The following CRISPLD2 variants were observed in gnomAD, a reference collection of about 807,000 sequenced individuals.
CRISPLD2 encodes the protein cysteine rich secretory protein LCCL domain containing 2.
In CRISPLD2, 47 loss-of-function variants were observed where a neutral mutation model predicts 71.1. That is an observed-to-expected ratio of 0.66 (90% CI 0.52 to 0.84). The LOEUF (loss-of-function observed/expected upper bound fraction) is 0.84, where lower values mean the gene tolerates loss of function less well. Ranked by LOEUF, CRISPLD2 falls within the 40% of genes least tolerant of loss-of-function variation. The pLI is 0.00. For missense variants in CRISPLD2, 830 were observed against 651.1 expected (o/e 1.27, Z -2.99); for synonymous variants, 317 against 250.1 (o/e 1.27, Z -2.52).
At chr16:84,900,018 AG>A (rs2071739431) in intron 14 of CRISPLD2, among the ~76,000 whole-genome samples, 1 of 152,084 alleles carries the variant, frequency 6.6e-6, no homozygotes, top group Admixed American at 6.5e-5. Flanking sequence ...AGGCCTGAGG[AG>A]GGCCCTGGAA....
chr16:84,894,342 T>G (rs2071687574), intron 14 of CRISPLD2, among the ~76,000 whole-genome samples: 1 of 152,180 alleles, frequency 6.6e-6, no homozygotes. Context: ...TTAACACAGA[T>G]TTTGCAAGAG....
chr16:84,895,853 TAC>T (rs1361013227), intron 14 of CRISPLD2, among the ~76,000 whole-genome samples: 1 of 152,120 alleles, frequency 6.6e-6, no homozygotes, highest in Admixed American at 6.5e-5. Context: ...ATGGACTTTT[TAC>T]AGTGTCCCTA....
At chr16:84,896,165 G>A (rs1384697920) in intron 14 of CRISPLD2, among the ~76,000 whole-genome samples, 1 of 151,708 alleles carries the variant, frequency 6.6e-6, no homozygotes, top group Non-Finnish European at 1.5e-5. Context: ...AGCCTCCCAG[G>A]TAGCTGGGAT....
At chr16:84,873,634 T>A (rs1010470048) in intron 10 of CRISPLD2, 1 of 347,402 alleles carries the variant, frequency 2.9e-6, no homozygotes, top group Non-Finnish European at 5.1e-6. Context: ...ATTTCTTTAT[T>A]TTGCAGCTGT....
rs200084653 is a variant in CRISPLD2 at position 84,872,987 on chromosome 16, G to A, written c.982-5G>A. ...GCCTCTGGTCTTCTCTTCCCTTCCC[G>A]CCAGTCGTCTAGCATATGCCGCGCC... is the stretch of plus-strand genomic sequence containing the variant. On this transcript the variant is annotated splice_region_variant and splice_polypyrimidine_tract_variant and intron_variant, in intron 9 of 14. Coordinates refer to ENST00000262424, the MANE Select transcript of CRISPLD2 (RefSeq NM_031476.4). 3.1e-5 allele frequency: 49 copies of A among 1,604,096 alleles called. No homozygotes were observed. Among genetic ancestry groups the A allele is most frequent in the Middle Eastern group, 3.5e-4 (2 of 5,704 alleles).
chr16:84,832,731 G>T (rs1916518720), intron 1 of CRISPLD2, among the ~76,000 whole-genome samples: 1 of 152,226 alleles, frequency 6.6e-6, no homozygotes, highest in Admixed American at 6.5e-5. Flanking sequence ...CACAGGCTGG[G>T]AGCTGACGGC....
intron 1 of CRISPLD2, among the ~76,000 whole-genome samples, chr16:84,821,412 G>C (rs1451868847): frequency 6.6e-6 from 1 of 152,208 alleles, no homozygotes; most frequent in African/African-American, 2.4e-5. Flanking sequence ...TCTGTGCCAC[G>C]CAGTTTACCT....
At chr16:84,890,601 C>A (rs2071653005) in intron 14 of CRISPLD2, among the ~76,000 whole-genome samples, 2 of 151,898 alleles carry the variant, frequency 1.3e-5, no homozygotes, top group South Asian at 4.1e-4. Flanking sequence ...GTGACTGTTT[C>A]CTTAAATCCC....
At chr16:84,851,284 T>C (rs1294180745) in intron 5 of CRISPLD2, among the ~76,000 whole-genome samples, 1 of 152,232 alleles carries the variant, frequency 6.6e-6, no homozygotes, top group Admixed American at 6.5e-5. Flanking sequence ...TGGTGCCTCC[T>C]CCGCCTATAG....
intron 14 of CRISPLD2, among the ~76,000 whole-genome samples, chr16:84,903,891 G>T (rs1238134625): frequency 6.6e-6 from 1 of 152,330 alleles, no homozygotes; most frequent in Middle Eastern, 3.4e-3. Flanking sequence ...GCCTGGGACC[G>T]CTCCTGTTCA....
At chr16:84,877,702 T>C (rs2071532202) in intron 12 of CRISPLD2, among the ~76,000 whole-genome samples, 192 bp downstream of exon 12, 1 of 151,280 alleles carries the variant, frequency 6.6e-6, no homozygotes, top group Non-Finnish European at 1.5e-5. Context: ...TTACAAAAAT[T>C]AGTCAGCCAT....
chr16:84,858,717 G>C (rs1163626935), intron 6 of CRISPLD2, among the ~76,000 whole-genome samples: 1 of 152,212 alleles, frequency 6.6e-6, no homozygotes, highest in African/African-American at 2.4e-5. Flanking sequence ...ATACCCCTGA[G>C]CTTAGGACAA....
chr16:84,838,917 C>A, intron 2 of CRISPLD2, 182 bp downstream of exon 2: 1 of 829,092 alleles, frequency 1.2e-6, no homozygotes. Flanking sequence ...GAGACAGGGT[C>A]TCACTCTGCC....
At chr16:84,867,062 C>A in intron 7 of CRISPLD2, 22 bp downstream of exon 7, 1 of 1,605,614 alleles carries the variant, frequency 6.2e-7, no homozygotes, top group South Asian at 1.1e-5. Flanking sequence ...CCGTCCTCCG[C>A]CCCTCCTGCC....
intron 14 of CRISPLD2, among the ~76,000 whole-genome samples, chr16:84,889,856 G>A (rs906895144): frequency 2.7e-5 from 4 of 150,582 alleles, no homozygotes; most frequent in African/African-American, 7.3e-5. Flanking sequence ...AAGCTACATC[G>A]TAATATAGTT....
At chr16:84,883,739 TGTG>T (rs1219668751) in intron 13 of CRISPLD2, among the ~76,000 whole-genome samples, 4 of 152,314 alleles carry the variant, frequency 2.6e-5, no homozygotes, top group African/African-American at 7.2e-5. Context: ...AATTTTCTAT[TGTG>T]GTGGTGACTA....
intron 2 of CRISPLD2, among the ~76,000 whole-genome samples, chr16:84,840,887 C>T (rs1916752384): frequency 6.6e-6 from 1 of 152,120 alleles, no homozygotes; most frequent in African/African-American, 2.4e-5. Context: ...TGCTTCTCTG[C>T]CTTCCACATA....
At chr16:84,888,459 C>G (rs1257777696) in intron 13 of CRISPLD2, among the ~76,000 whole-genome samples, 1 of 152,194 alleles carries the variant, frequency 6.6e-6, no homozygotes, top group Non-Finnish European at 1.5e-5. Context: ...TCCCTTGAGC[C>G]TGGAAGGTTT....
intron 14 of CRISPLD2, among the ~76,000 whole-genome samples, chr16:84,890,570 C>T (rs1224017643): frequency 6.6e-6 from 1 of 152,074 alleles, no homozygotes; most frequent in African/African-American, 2.4e-5. Flanking sequence ...GTAGTCTTCT[C>T]CAGGAATGCT....
Sources: allele counts gnomAD v4.1 joint callset (sites outside exome capture counted in the v4.1 genomes callset), GRCh38; gene constraint gnomAD v4.1.1; transcripts MANE v1.5; gene names NCBI Gene and HGNC (gene_info 2026-07-23, HGNC 2026-07-21).